SBF2: variants seen among roughly 807,000 people sequenced by gnomAD.
SBF2 encodes SET binding factor 2.
In SBF2, 112 loss-of-function variants were observed where a neutral mutation model predicts 225.2. The ratio of observed to expected loss-of-function variants is 0.50; its 90% CI spans 0.43 to 0.58. The LOEUF is 0.58. SBF2 is among the 20% of genes least tolerant of loss of function. SBF2 has a pLI of 0.00. For synonymous variants in SBF2, 763 were observed against 773.3 expected (o/e 0.99, Z 0.22); for missense variants, 1,996 against 2,206.2 (o/e 0.90, Z 1.91).
intron 16 of SBF2, among the ~76,000 whole-genome samples, chr11:9,929,480 T>A (rs757227528): frequency 2.0e-4 from 30 of 152,142 alleles, no homozygotes; most frequent in Non-Finnish European, 3.8e-4. Context: ...ATGGTCACTG[T>A]TTGGTGGTCT....
chr11:9,792,125 GATAAA>G (rs1819412186), intron 33 of SBF2, among the ~76,000 whole-genome samples: 1 of 152,092 alleles, frequency 6.6e-6, no homozygotes, highest in South Asian at 2.1e-4. Flanking sequence ...AAGTTTTTCT[GATAAA>G]ATCTTAAAAA....
chr11:10,075,638 G>C (rs1951068791), intron 2 of SBF2, among the ~76,000 whole-genome samples: 1 of 152,146 alleles, frequency 6.6e-6, no homozygotes, highest in Admixed American at 6.6e-5. Flanking sequence ...GCCACCATGT[G>C]AAAACATGCT....
In SBF2 at chr11:9,962,372, T is replaced by G. The variant is rs7110027; in HGVS notation, c.1711-266A>C. Among the ~76,000 whole-genome samples, 16,778 of 152,216 alleles carry G rather than the reference T, an allele frequency of 0.11. 1,052 individuals carry two copies. The highest frequency in any genetic ancestry group is 0.13 in the Non-Finnish European group (8,968 of 68,008). On this transcript the variant is annotated intron_variant, in intron 15 of 39. Coordinates refer to ENST00000256190, the MANE Select transcript of SBF2 (RefSeq NM_030962.4). The stretch of plus-strand genomic sequence containing the variant: ...TTAATTTCACTATTTTTCTTCAAGT[T>G]AACAAAACTTTGGTTACCAAATTGA...
At chr11:9,886,600 C>T (rs1564958000) in intron 17 of SBF2, among the ~76,000 whole-genome samples, 1 of 150,338 alleles carries the variant, frequency 6.7e-6, no homozygotes, top group African/African-American at 2.4e-5. Flanking sequence ...ATTTCTGCCT[C>T]TTTTTTTTTG....
At chr11:10,070,392 C>T (rs369452770) in intron 2 of SBF2, among the ~76,000 whole-genome samples, 2 of 152,250 alleles carry the variant, frequency 1.3e-5, no homozygotes, top group East Asian at 3.9e-4. Context: ...GCCAGTTTTC[C>T]CAACACCATT....
chr11:9,981,161 TA>T (rs1946938295), intron 13 of SBF2, among the ~76,000 whole-genome samples: 3 of 152,194 alleles, frequency 2.0e-5, no homozygotes, highest in Admixed American at 1.3e-4. Flanking sequence ...GTCAAATCAC[TA>T]AATTAAACAA....
At chr11:10,173,641 A>G (rs1956320835) in intron 2 of SBF2, among the ~76,000 whole-genome samples, 1 of 152,166 alleles carries the variant, frequency 6.6e-6, no homozygotes, top group Admixed American at 6.5e-5. Flanking sequence ...GGGAAGCTCG[A>G]ACTGGGTGGA....
chr11:9,999,122 A>T (rs1200975660), intron 8 of SBF2, among the ~76,000 whole-genome samples: 2 of 152,220 alleles, frequency 1.3e-5, no homozygotes, highest in Non-Finnish European at 2.9e-5. Context: ...GAAAACAACC[A>T]AGATGAGTGA....
chr11:9,868,337 CAAAAAAAAAAAAAAAA>C (rs35348349), intron 17 of SBF2, among the ~76,000 whole-genome samples: 3 of 26,372 alleles, frequency 1.1e-4, no homozygotes, highest in African/African-American at 4.5e-4. Context: ...TACAAAAATA[CAAAAAAAAAAAAAAAA>C]AAAAAAAAAA....
intron 2 of SBF2, among the ~76,000 whole-genome samples, chr11:10,177,107 T>A (rs1014594177): frequency 6.6e-6 from 1 of 151,796 alleles, no homozygotes; most frequent in Non-Finnish European, 1.5e-5. Context: ...ATTATCTCAA[T>A]AGATGCACAA....
intron 2 of SBF2, among the ~76,000 whole-genome samples, chr11:10,136,473 T>C (rs1235245581): frequency 6.6e-6 from 1 of 152,138 alleles, no homozygotes; most frequent in Non-Finnish European, 1.5e-5. Context: ...GAGTTAGTAT[T>C]TGATTATGTG....
At chr11:10,107,246 A>T (rs187295337) in intron 2 of SBF2, among the ~76,000 whole-genome samples, 7 of 152,370 alleles carry the variant, frequency 4.6e-5, no homozygotes, top group Admixed American at 3.3e-4. Flanking sequence ...ATAATAGCCA[A>T]AAAACTAAAA....
At chr11:9,881,800 T>C (rs1348168071) in intron 17 of SBF2, among the ~76,000 whole-genome samples, 2 of 151,588 alleles carry the variant, frequency 1.3e-5, no homozygotes, top group East Asian at 1.9e-4. Context: ...CTGGGCAACA[T>C]AGCAAAACCC....
At chr11:9,803,269 A>G (rs1256521288) in intron 32 of SBF2, among the ~76,000 whole-genome samples, 6 of 152,246 alleles carry the variant, frequency 3.9e-5, no homozygotes, top group Non-Finnish European at 7.3e-5. Flanking sequence ...TAAATAAAAC[A>G]AAACAGCAGA....
Position 9,946,119 on chromosome 11 carries a change from A to G in SBF2, c.1860+15838T>C, listed in dbSNP as rs117900785. 6.4e-3 allele frequency among the ~76,000 whole-genome samples: 972 copies of G among 152,334 alleles called. 7 individuals are homozygous for G. The highest frequency in any genetic ancestry group is 0.021 in the South Asian group (103 of 4,830). On this transcript the variant is annotated intron_variant, in intron 16 of 39. Coordinates refer to ENST00000256190, the MANE Select transcript of SBF2 (RefSeq NM_030962.4). ...AGGAATATAAATCGTTCTACCAAAA[A>G]GACAAGTATACCTGTATGTTCATTG...
intron 32 of SBF2, among the ~76,000 whole-genome samples, chr11:9,804,667 C>T (rs183187709): frequency 1.1e-3 from 164 of 152,236 alleles, no homozygotes; most frequent in Middle Eastern, 6.8e-3. Context: ...TGGTTTTGCC[C>T]TTTTTAGAAT....
At chr11:10,032,313 A>G (rs61877049) in intron 3 of SBF2, among the ~76,000 whole-genome samples, 2 of 151,892 alleles carry the variant, frequency 1.3e-5, no homozygotes, top group African/African-American at 4.8e-5. Context: ...TACCTCCTCT[A>G]TTGCTACCAT....
Position 9,858,168 on chromosome 11 carries a change from T to C in SBF2, c.2100+58A>G. ...TTTTTTTTGCCCTGGGAACATCTGC[T>C]TTCCTTAAAGCCAGAATCCTAATCC... On this transcript the variant is annotated intron_variant, in intron 18 of 39. Coordinates refer to ENST00000256190, the MANE Select transcript of SBF2 (RefSeq NM_030962.4). The C allele has an allele frequency of 3.7e-6, 6 of 1,603,654 alleles. No individual in the cohort carries two copies. The South Asian group carries it at 4.4e-5, about 12-fold the overall frequency.
chr11:10,130,695 C>G (rs1954000520), intron 2 of SBF2, among the ~76,000 whole-genome samples: 1 of 152,068 alleles, frequency 6.6e-6, no homozygotes, highest in Non-Finnish European at 1.5e-5. Flanking sequence ...TTCACCCAAC[C>G]CCGCCCCCAC....
Sources: allele counts gnomAD v4.1 joint callset (sites outside exome capture counted in the v4.1 genomes callset), GRCh38; gene constraint gnomAD v4.1.1; transcripts MANE v1.5; gene names NCBI Gene and HGNC (gene_info 2026-07-23, HGNC 2026-07-21).